The following DCT variants were observed in gnomAD, a reference collection of about 807,000 sequenced individuals.
DCT encodes the protein L-dopachrome tautomerase.
Under a neutral mutation model 53.0 loss-of-function variants are expected in DCT, and 47 were observed. The ratio of observed to expected loss-of-function variants is 0.89; its 90% CI spans 0.70 to 1.13. The LOEUF (loss-of-function observed/expected upper bound fraction) is 1.13, where lower values mean the gene tolerates loss of function less well. DCT is among the 50% of genes most tolerant of loss of function. The pLI is 0.00. For missense variants in DCT, 669 were observed against 637.4 expected (o/e 1.05, Z -0.53); for synonymous variants, 244 against 237.0 (o/e 1.03, Z -0.27).
chr13:94,512,771 A>T, the DCT span, among the ~76,000 whole-genome samples: 5 of 152,172 alleles, frequency 3.3e-5, no homozygotes, highest in Admixed American at 3.3e-4. Flanking sequence ...ATGTGTATTT[A>T]TGTGAAAATA....
intron 6 of DCT, among the ~76,000 whole-genome samples, chr13:94,446,657 G>A (rs893440301): frequency 2.0e-5 from 3 of 152,118 alleles, no homozygotes; most frequent in South Asian, 2.1e-4. Context: ...ACAGTGTCTC[G>A]CTTCTAGGCA....
At chr13:94,533,822 C>G in the DCT span, among the ~76,000 whole-genome samples, 1 of 152,100 alleles carries the variant, frequency 6.6e-6, no homozygotes, top group African/African-American at 2.4e-5. Flanking sequence ...TGTCTCTTAC[C>G]AACTCAATTA....
chr13:94,441,065 C>T (rs61962247), intron 7 of DCT, among the ~76,000 whole-genome samples: 25,372 of 151,968 alleles, frequency 0.17, 2,437 homozygotes, highest in Non-Finnish European at 0.22. Flanking sequence ...TTAAATTCAG[C>T]TCCTCTGAAT....
the DCT span, among the ~76,000 whole-genome samples, chr13:94,547,958 G>C: frequency 2.3e-4 from 16 of 68,956 alleles, no homozygotes; most frequent in Admixed American, 4.1e-4. Flanking sequence ...GTGAAACTCC[G>C]TCTCAAAAAA....
the DCT span, among the ~76,000 whole-genome samples, chr13:94,489,389 C>T: frequency 6.6e-6 from 1 of 151,904 alleles, no homozygotes; most frequent in Non-Finnish European, 1.5e-5. Context: ...GTTCTATGAC[C>T]CTGGACAAGT....
intron 1 of DCT, among the ~76,000 whole-genome samples, chr13:94,477,128 C>G (rs1385538792): frequency 6.6e-6 from 1 of 152,134 alleles, no homozygotes; most frequent in Non-Finnish European, 1.5e-5. Flanking sequence ...ACAGATCTCA[C>G]TCTGTCACCC....
the DCT span, among the ~76,000 whole-genome samples, chr13:94,503,599 T>A: frequency 6.6e-6 from 1 of 152,180 alleles, no homozygotes. Context: ...GAAAGCCATG[T>A]GAAGACAAAG....
At chr13:94,513,715 G>A in the DCT span, among the ~76,000 whole-genome samples, 25 of 152,036 alleles carry the variant, frequency 1.6e-4, no homozygotes, top group East Asian at 1.4e-3. Flanking sequence ...CGCTGGGCAC[G>A]GTGGGTCACG....
At chr13:94,486,914 A>T in the DCT span, among the ~76,000 whole-genome samples, 1 of 152,218 alleles carries the variant, frequency 6.6e-6, no homozygotes, top group Non-Finnish European at 1.5e-5. Flanking sequence ...AAACACACAC[A>T]CACACATTTC....
the DCT span, among the ~76,000 whole-genome samples, chr13:94,511,045 G>C: frequency 6.6e-6 from 1 of 152,114 alleles, no homozygotes; most frequent in Non-Finnish European, 1.5e-5. Flanking sequence ...ATTTATTGTA[G>C]ACACCTAGCA....
the DCT span, among the ~76,000 whole-genome samples, chr13:94,540,112 TAA>T: frequency 6.8e-5 from 10 of 147,478 alleles, no homozygotes; most frequent in East Asian, 1.4e-3. Flanking sequence ...TTATCAATTC[TAA>T]AAAAAAAAAT....
At chr13:94,514,917 C>T in the DCT span, among the ~76,000 whole-genome samples, 2 of 152,158 alleles carry the variant, frequency 1.3e-5, no homozygotes, top group Non-Finnish European at 2.9e-5. Flanking sequence ...CTACTTCTTG[C>T]CCAAATGCAT....
chr13:94,458,032 C>A (rs577865611), intron 6 of DCT, among the ~76,000 whole-genome samples: 7 of 152,292 alleles, frequency 4.6e-5, no homozygotes, highest in African/African-American at 1.4e-4. Flanking sequence ...AACCCCATAA[C>A]CGTGTCTGAG....
At chr13:94,539,144 AC>A in the DCT span, among the ~76,000 whole-genome samples, 1 of 152,164 alleles carries the variant, frequency 6.6e-6, no homozygotes, top group South Asian at 2.1e-4. Context: ...AATCAAACCC[AC>A]CTTTTGAGGG....
At chr13:94,499,929 G>A in the DCT span, among the ~76,000 whole-genome samples, 2 of 152,164 alleles carry the variant, frequency 1.3e-5, no homozygotes, top group African/African-American at 4.8e-5. Context: ...GCATACAATA[G>A]GAAGTTTTAA....
chr13:94,538,230 T>C, the DCT span, among the ~76,000 whole-genome samples: 2 of 152,260 alleles, frequency 1.3e-5, no homozygotes, highest in Non-Finnish European at 2.9e-5. Context: ...AGGACCTGCC[T>C]GACTACATGC....
At chr13:94,487,098 T>C in the DCT span, among the ~76,000 whole-genome samples, 1 of 152,346 alleles carries the variant, frequency 6.6e-6, no homozygotes, top group Admixed American at 6.5e-5. Context: ...ATTGCATTAT[T>C]TGCAAAAGAG....
chr13:94,474,652 A>C (rs751685249), intron 1 of DCT, among the ~76,000 whole-genome samples: 3 of 152,222 alleles, frequency 2.0e-5, no homozygotes, highest in Non-Finnish European at 2.9e-5. Context: ...GCCAACTGGC[A>C]GGTAAGCCTT....
At chr13:94,449,025 T>G (rs1462258459) in intron 6 of DCT, among the ~76,000 whole-genome samples, 3 of 151,998 alleles carry the variant, frequency 2.0e-5, no homozygotes, top group Admixed American at 6.5e-5. Flanking sequence ...AGGTTCCGAA[T>G]TTTGGCATAT....
Sources: gnomAD v4.1 joint callset for allele counts (sites outside exome capture counted in the v4.1 genomes callset) on GRCh38, gnomAD v4.1.1 for gene constraint, MANE v1.5 for transcripts, NCBI Gene and HGNC (gene_info 2026-07-23, HGNC 2026-07-21) for gene names.